Variants in TCP11 observed in about 807,000 individuals in gnomAD.
The protein encoded by TCP11 is t-complex 11, also known as T-complex protein 11 homolog.
In TCP11, 34 loss-of-function variants were observed where a neutral mutation model predicts 45.0. The ratio of observed to expected loss-of-function variants is 0.76; its 90% CI spans 0.57 to 1.01. TCP11 has a LOEUF of 1.01. TCP11 is among the 50% of genes least tolerant of loss of function. The pLI is 0.00. For missense variants in TCP11, 523 were observed against 598.1 expected, an observed-to-expected ratio of 0.87 and a Z score of 1.31; for synonymous variants, 227 against 227.0, an observed-to-expected ratio of 1.00 and a Z score of 0.00.
chr6:35,139,144 C>A (rs989439420), intron 2 of TCP11, among the ~76,000 whole-genome samples: 2 of 151,666 alleles, frequency 1.3e-5, no homozygotes, highest in African/African-American at 4.9e-5. Context: ...GCCGAGATCG[C>A]ACCATTGCAC....
intron 9 of TCP11, 49 bp downstream of exon 9, chr6:35,119,179 G>A: frequency 6.2e-7 from 1 of 1,603,808 alleles, no homozygotes; most frequent in Non-Finnish European, 8.5e-7. Flanking sequence ...TCCACGGTTG[G>A]GATCTATCTC....
rs766023819 is a variant in TCP11, at chr6:35,120,545, C to G, written c.817G>C (p.Gly273Arg). 5.6e-6 allele frequency: 9 copies of G among 1,614,002 alleles called. No homozygotes were observed. Among genetic ancestry groups the G allele is most frequent in the East Asian group, 2.2e-5 (1 of 44,880 alleles). The change falls in exon 7 of 10, where the codon GGC becomes CGC. Residue 273 changes from glycine to arginine, a missense_variant. Gly to Arg is a moderately radical substitution (Grantham distance 125). Coordinates refer to ENST00000311875, the MANE Select transcript of TCP11 (RefSeq NM_001370687.1). The surrounding 1 kb of genome is among the most constrained non-coding windows in gnomAD (Gnocchi z 4.9). ...TTGGCTGCCTCATTGGGAGAGGGGC[C>G]AGCCACACTGGAGGAGTCAGAAGTG... is the stretch of plus-strand genomic sequence containing the variant. ...PDTSDSSSVA[G>R]PSPNEAANNP...
In TCP11 at chr6:35,140,512, T is replaced by G. The variant is rs550517313; in HGVS notation, c.124+235A>C. The G allele has an allele frequency of 1.4e-5, 9 of 643,984 alleles. No individual in the cohort carries two copies. In the Admixed American group the frequency reaches 1.9e-4, roughly 13 times the overall value. 39.9% of individuals were successfully genotyped at this position (643,984 alleles called of 1,614,324 possible). A position where few individuals can be genotyped will look rare whatever the true frequency, so the allele number is the denominator to read the frequency against. ...AGGAGGGCTTTGAACCGACTCAGTC[T>G]CAAATCTTGTCAGATTCAAGTAATC... On this transcript the variant is annotated intron_variant, in intron 2 of 9. Coordinates refer to ENST00000311875, the MANE Select transcript of TCP11 (RefSeq NM_001370687.1).
In TCP11 at chr6:35,120,618, C is replaced by T; in HGVS notation, c.744G>A (p.Leu248=). 1 of 1,613,696 alleles carries T rather than the reference C, an allele frequency of 6.2e-7. No homozygotes were observed. Among genetic ancestry groups the T allele is most frequent in the East Asian group, 2.2e-5 (1 of 44,880 alleles). Residue 248 remains leucine, a synonymous_variant, in exon 7 of 10, where the codon CTG becomes CTA. Coordinates refer to ENST00000311875, the MANE Select transcript of TCP11 (RefSeq NM_001370687.1). The surrounding 1 kb of genome is among the most constrained non-coding windows in gnomAD (Gnocchi z 4.9). ...PSLLNHTTKW[L]TQAAGDLTMS... is the part of the protein sequence containing the mutation. ...TGGTGAGGTCTCCTGCTGCTTGGGT[C>T]AGCCATTTGGTGGTGTGATTAAGGA... is the stretch of plus-strand genomic sequence containing the variant.
chr6:35,120,132 A>C lies in TCP11; in HGVS notation c.1115+27T>G. On this transcript the variant is annotated intron_variant, in intron 8 of 9. Coordinates refer to ENST00000311875, the MANE Select transcript of TCP11 (RefSeq NM_001370687.1). The surrounding 1 kb of genome is among the most constrained non-coding windows in gnomAD (Gnocchi z 4.9). ...TTCTAAATACCACATATCACCTTCT[A>C]CTCTAAAAAGTAACTATGCAGCTCA... 6.2e-7 allele frequency: 1 copy of C among 1,607,546 alleles called. No individual in the cohort carries two copies. Among genetic ancestry groups the C allele is most frequent in the South Asian group, 1.1e-5 (1 of 89,462 alleles).
Position 35,140,754 on chromosome 6 carries a change from G to C in TCP11, c.117C>G (p.Pro39=), listed in dbSNP as rs769578270. ...PQEDKSGSED[P]PPFLSVTGLT... ...CTGCCGAGCTGGACCTACAGGGAGG[G>C]GGGTCCTCGGAGCCGCTCTTGTCTT... The change falls in exon 2 of 10, where the codon CCC becomes CCG. Residue 39 remains proline (P), a synonymous_variant. Transcript: ENST00000311875. The C allele has an allele frequency of 3.3e-6, 5 of 1,527,532 alleles. No homozygotes were observed. Among genetic ancestry groups the C allele is most frequent in the Non-Finnish European group, 4.4e-6 (5 of 1,142,152 alleles). 94.6% of individuals were successfully genotyped at this position (1,527,532 alleles called of 1,614,324 possible). A position where few individuals can be genotyped will look rare whatever the true frequency, so the allele number is the denominator to read the frequency against.
At position 35,120,221 on chromosome 6, in the gene TCP11, T is replaced by C. The variant is rs756008472; in HGVS notation, c.1053A>G (p.Ser351=). The C allele has an allele frequency of 3.0e-5, 48 of 1,614,054 alleles. No individual in the cohort carries two copies. The African/African-American group carries it at 5.3e-4, about 18-fold the overall frequency. The change falls in exon 8 of 10, where the codon TCA becomes TCG. Residue 351 remains serine, a synonymous_variant. Transcript: ENST00000311875. This position sits in a 1 kb window ranked among gnomAD's most constrained non-coding sequence, Gnocchi z 4.9. ...GTTTCAGTTTATCTACAAATTGGGG[T>C]GAGCCAAACAAAACACTGCCGGAGA... ...SSFSGSVLFG[S]PQFVDKLKRI...
intron 3 of TCP11, among the ~76,000 whole-genome samples, chr6:35,131,757 G>A (rs1780478147): frequency 6.6e-6 from 1 of 152,172 alleles, no homozygotes; most frequent in East Asian, 1.9e-4. Context: ...GGGGTTTACA[G>A]CTGCCTCATT....
At chr6:35,132,679 C>A (rs561002486) in intron 3 of TCP11, among the ~76,000 whole-genome samples, 1 of 152,142 alleles carries the variant, frequency 6.6e-6, no homozygotes, top group Non-Finnish European at 1.5e-5. Flanking sequence ...GCCTTTTTCC[C>A]GACATAATTT....
rs771016451 is a variant in TCP11, at chr6:35,120,363, C to A, written c.934-23G>T. 2.0e-5 allele frequency: 32 copies of A among 1,606,910 alleles called. No homozygotes were observed. The African/African-American group carries it at 2.8e-4, about 14-fold the overall frequency. Reference sequence around the variant, plus strand: ...GGTCTGGGAACCAGGGAAGAACAGGCTGTCAGGGGAAGTCCCGATGGAAGC... The same window carrying A: ...GGTCTGGGAACCAGGGAAGAACAGGATGTCAGGGGAAGTCCCGATGGAAGC... On this transcript the variant is annotated intron_variant, in intron 7 of 9. Coordinates refer to ENST00000311875, the MANE Select transcript of TCP11 (RefSeq NM_001370687.1). This position sits in a 1 kb window ranked among gnomAD's most constrained non-coding sequence, Gnocchi z 4.9.
chr6:35,139,955 C>G, intron 2 of TCP11: 6 of 1,500,660 alleles, frequency 4.0e-6, no homozygotes, highest in Non-Finnish European at 5.5e-6. Flanking sequence ...TATATATGGA[C>G]TCATTTAAAT....
intron 4 of TCP11, among the ~76,000 whole-genome samples, chr6:35,122,749 A>G (rs16871814): frequency 0.18 from 27,350 of 152,132 alleles, 3,074 homozygotes; most frequent in African/African-American, 0.29. Flanking sequence ...AGTCACTGAA[A>G]TAGCCTATTA....
At chr6:35,139,982 T>TA in intron 2 of TCP11, 1 of 1,609,766 alleles carries the variant, frequency 6.2e-7, no homozygotes, top group Non-Finnish European at 8.5e-7. Flanking sequence ...CTCAAAAACT[T>TA]AAATTGTGTG....
chr6:35,122,655 C>T (rs1779413239), intron 4 of TCP11, among the ~76,000 whole-genome samples: 2 of 152,060 alleles, frequency 1.3e-5, no homozygotes, highest in African/African-American at 2.4e-5. Flanking sequence ...ATGGTGATGA[C>T]GTCTCTTAAC....
Position 35,122,133 on chromosome 6 carries a change from G to A in TCP11, c.562C>T (p.Pro188Ser), listed in dbSNP as rs1411395659. ...AVQKLENITD[P>S]VWLLRGIFQV... ...GTTTCATACCTCAGTAGCCAAACAG[G>A]ATCCGTAATGTTTTCTAGTTTCTGC... Residue 188 changes from proline (P) to serine (S), a missense_variant, in exon 5 of 10, where the codon CCT (proline) becomes TCT (serine). Coordinates refer to ENST00000311875, the MANE Select transcript of TCP11 (RefSeq NM_001370687.1). The A allele has an allele frequency of 6.2e-7, 1 of 1,614,180 alleles. No homozygotes were observed. Among genetic ancestry groups the A allele is most frequent in the East Asian group, 2.2e-5 (1 of 44,884 alleles).
chr6:35,123,221 C>T (rs1434186968), intron 4 of TCP11, among the ~76,000 whole-genome samples: 1 of 152,176 alleles, frequency 6.6e-6, no homozygotes, highest in African/African-American at 2.4e-5. Context: ...TGGTTTCTGC[C>T]TCTTGATTGG....
rs117722267 is a variant in TCP11 at position 35,123,993 on chromosome 6, T to G, written c.358-1656A>C. The stretch of plus-strand genomic sequence containing the variant: ...TTTTTTCTAGAGATGGAGGTCTTGC[T>G]GTGTTGTCCCTGCTGGTCTTGAACT... On this transcript the variant is annotated intron_variant, in intron 4 of 9. Coordinates refer to ENST00000311875, the MANE Select transcript of TCP11 (RefSeq NM_001370687.1). Among the ~76,000 whole-genome samples, 16 of 152,116 alleles carry G rather than the reference T, an allele frequency of 1.1e-4. No homozygotes were observed. In the East Asian group the frequency reaches 2.3e-3, roughly 22 times the overall value.
intron 3 of TCP11, among the ~76,000 whole-genome samples, chr6:35,133,556 C>A: frequency 6.6e-6 from 1 of 151,940 alleles, no homozygotes. Flanking sequence ...CTTTGGGAGG[C>A]CAAGGCGGGT....
At chr6:35,137,843 A>G (rs1194940922) in intron 2 of TCP11, 3 of 455,380 alleles carry the variant, frequency 6.6e-6, no homozygotes, top group Admixed American at 2.4e-5. Flanking sequence ...CGAGTTGATC[A>G]TTGTTGAAGC....
Sources: allele counts gnomAD v4.1 joint callset (sites outside exome capture counted in the v4.1 genomes callset), GRCh38; gene constraint gnomAD v4.1.1; non-coding constraint Gnocchi (gnomAD v3.1); transcripts MANE v1.5; gene names NCBI Gene and HGNC (gene_info 2026-07-23, HGNC 2026-07-21).